Variants in HIPK2 observed in about 807,000 individuals in gnomAD.
HIPK2 encodes homeodomain interacting protein kinase 2.
A neutral mutation model predicts 113.7 loss-of-function variants in HIPK2; 27 were observed. That is an observed-to-expected ratio of 0.24 (90% CI 0.17 to 0.33). HIPK2 has a LOEUF of 0.33. Among genes scored for constraint, HIPK2 ranks in the 10% least tolerant of loss-of-function variants. The pLI is 1.00. For synonymous variants in HIPK2, 631 were observed against 642.2 expected, an observed-to-expected ratio of 0.98 and a Z score of 0.26; for missense variants, 1,257 against 1,588.0, an observed-to-expected ratio of 0.79 and a Z score of 3.54.
intron 2 of HIPK2, among the ~76,000 whole-genome samples, chr7:139,660,296 G>T (rs1997012): frequency 0.41 from 62,698 of 151,340 alleles, 13,604 homozygotes; most frequent in South Asian, 0.55. Context: ...CCAATTTTTT[G>T]TTGTTGTTGT....
rs754874476 is a variant in HIPK2, at chr7:139,572,944, G to A, written c.3580C>T (p.Gln1194Ter). The change falls in exon 15 of 15, where the codon CAG becomes TAG. Residue 1194 changes from glutamine to a stop codon, truncating the protein, a stop_gained. Coordinates refer to ENST00000406875, the MANE Select transcript of HIPK2 (RefSeq NM_022740.5). LOFTEE classifies it high-confidence loss of function. Reference sequence around the variant, plus strand: ...TCCAGTGTTTATATGTAAGGGTACTGGTTGACCTTGGCGGGGCTCAGTGGG... The same window carrying A: ...TCCAGTGTTTATATGTAAGGGTACTAGTTGACCTTGGCGGGGCTCAGTGGG... ...GYPLSPAKVN[Q>*]YPYI The A allele has an allele frequency of 1.5e-6, 2 of 1,369,794 alleles. No homozygotes were observed. Among genetic ancestry groups the A allele is most frequent in the African/African-American group, 1.5e-5 (1 of 65,620 alleles). 84.9% of individuals were successfully genotyped at this position (1,369,794 alleles called of 1,614,324 possible).
rs543724948 is a variant in HIPK2 at position 139,626,647 on chromosome 7, G to T, written c.1573C>A (p.Pro525Thr). The change falls in exon 6 of 15, where the codon CCC becomes ACC. Residue 525 changes from proline (P) to threonine (T), a missense_variant. Coordinates refer to ENST00000406875, the MANE Select transcript of HIPK2 (RefSeq NM_022740.5). Reference protein sequence around the residue: ...RITPIETLNHPFVTMTHLLDF... With the variant: ...RITPIETLNHTFVTMTHLLDF... The stretch of plus-strand genomic sequence containing the variant: ...AGTAAGTGTGTCATGGTGACAAAGG[G>T]ATGGTTCAGGGTTTCGATTGGAGTG... 6.2e-7 allele frequency: 1 copy of T among 1,613,998 alleles called. No individual in the cohort carries two copies. The highest frequency in any genetic ancestry group is 8.5e-7 in the Non-Finnish European group (1 of 1,179,894).
intron 2 of HIPK2, among the ~76,000 whole-genome samples, chr7:139,639,521 T>C (rs887157796): frequency 6.6e-6 from 1 of 152,144 alleles, no homozygotes; most frequent in Non-Finnish European, 1.5e-5. Context: ...GGTAGCAGCA[T>C]AGCGACATCT....
intron 2 of HIPK2, among the ~76,000 whole-genome samples, chr7:139,690,945 G>A (rs551638277): frequency 1.5e-4 from 23 of 152,280 alleles, no homozygotes; most frequent in African/African-American, 5.1e-4. Context: ...CCTACGAACC[G>A]GGTGTTTGAT....
intron 1 of HIPK2, among the ~76,000 whole-genome samples, chr7:139,727,713 G>T (rs1371401268): frequency 6.6e-6 from 1 of 152,162 alleles, no homozygotes; most frequent in Admixed American, 6.5e-5. Flanking sequence ...GCCTTGCCCT[G>T]CAGTGGGTGA....
At chr7:139,653,656 G>C (rs1483951195) in intron 2 of HIPK2, among the ~76,000 whole-genome samples, 4 of 151,972 alleles carry the variant, frequency 2.6e-5, no homozygotes, top group Non-Finnish European at 4.4e-5. Flanking sequence ...CATTAGTGAA[G>C]ATTTTCCACT....
rs1041505114 is a variant in HIPK2, at chr7:139,566,914, G to C, written c.*6013C>G. Reference sequence around the variant, plus strand: ...CTCTCTGGTGCTGGTGTTCTGGGACGGGAGCCCTGCAGGGGGCACTTCTCT... The same window carrying C: ...CTCTCTGGTGCTGGTGTTCTGGGACCGGAGCCCTGCAGGGGGCACTTCTCT... On this transcript the variant is annotated 3_prime_UTR_variant, in exon 15 of 15. Transcript: ENST00000406875. This position sits in a 1 kb window ranked among gnomAD's most constrained non-coding sequence, Gnocchi z 4.1. 1 of 152,222 alleles carries C rather than the reference G, an allele frequency of 6.6e-6. No individual in the cohort carries two copies. Among genetic ancestry groups the C allele is most frequent in the African/African-American group, 2.4e-5 (1 of 41,448 alleles). 9.4% of individuals were successfully genotyped at this position (152,222 alleles called of 1,614,324 possible).
At chr7:139,766,707 T>C (rs529881062) in intron 1 of HIPK2, among the ~76,000 whole-genome samples, 1 of 152,226 alleles carries the variant, frequency 6.6e-6, no homozygotes. Flanking sequence ...CTCTACCAAT[T>C]ACTTGTTATG....
intron 5 of HIPK2, among the ~76,000 whole-genome samples, chr7:139,627,640 G>A (rs1800479775): frequency 6.6e-6 from 1 of 152,186 alleles, no homozygotes; most frequent in Non-Finnish European, 1.5e-5. Flanking sequence ...CTAATCAACT[G>A]ACAAGCACAC....
chr7:139,649,407 GT>G lies in HIPK2; in HGVS notation c.1104-17683del, dbSNP rs1801373758. Among the ~76,000 whole-genome samples, 3 of 152,330 alleles carry G rather than the reference GT, an allele frequency of 2.0e-5. No individual in the cohort carries two copies. In the South Asian group the frequency reaches 6.2e-4, roughly 32 times the overall value. On this transcript the variant is annotated intron_variant, in intron 2 of 14. Transcript: ENST00000406875. ...TTTGTTTATTGAGCAAATAAGACTAGTTACCAGTAGGGATTTTCCTAGGGGA... is the reference window on the plus strand; with the variant it reads ...TTTGTTTATTGAGCAAATAAGACTAGTACCAGTAGGGATTTTCCTAGGGGA...
intron 2 of HIPK2, among the ~76,000 whole-genome samples, chr7:139,701,684 T>C (rs1297131514): frequency 6.6e-6 from 1 of 152,224 alleles, no homozygotes; most frequent in African/African-American, 2.4e-5. Flanking sequence ...AATATATCAT[T>C]TCTTTGGGGA....
chr7:139,777,502 G>GGCAGGCGCCGGGGGCT (rs1796799110), intron 1 of HIPK2, 103 bp downstream of exon 1: 2 of 366,338 alleles, frequency 5.5e-6, no homozygotes, highest in East Asian at 3.1e-4. Context: ...TGGGGGCTGG[G>GGCAGGCGCCGGGGGCT]GCAGGCGCCG....
Position 139,683,456 on chromosome 7 carries a change from T to A in HIPK2, c.1103+32476A>T, listed in dbSNP as rs996609937. Among the ~76,000 whole-genome samples the A allele has an allele frequency of 6.6e-6, 1 of 152,100 alleles. No homozygotes were observed. The highest frequency in any genetic ancestry group is 2.4e-5 in the African/African-American group (1 of 41,410). On this transcript the variant is annotated intron_variant, in intron 2 of 14. Transcript: ENST00000406875. This position sits in a 1 kb window ranked among gnomAD's most constrained non-coding sequence, Gnocchi z 4.2. ...GCCTCAGCTCCTCCCTACGGGGGCC[T>A]CCACAGGACTGCTCACAACACGGGA...
intron 1 of HIPK2, among the ~76,000 whole-genome samples, chr7:139,745,026 C>G (rs1796166965): frequency 6.6e-6 from 1 of 152,208 alleles, no homozygotes; most frequent in Admixed American, 6.5e-5. Flanking sequence ...AGCAGCAAGG[C>G]TGGTGGGCAC....
intron 1 of HIPK2, among the ~76,000 whole-genome samples, chr7:139,754,629 T>C (rs1796335782): frequency 6.6e-6 from 1 of 152,234 alleles, no homozygotes; most frequent in African/African-American, 2.4e-5. Flanking sequence ...TTTCTAAAAA[T>C]TAAATTCTGA....
At chr7:139,673,689 TGAA>T (rs1802385896) in intron 2 of HIPK2, among the ~76,000 whole-genome samples, 1 of 151,998 alleles carries the variant, frequency 6.6e-6, no homozygotes, top group Non-Finnish European at 1.5e-5. Context: ...GTAGGTAACC[TGAA>T]GAAGTCTGAC....
chr7:139,750,970 T>G (rs140185373), intron 1 of HIPK2, among the ~76,000 whole-genome samples: 166 of 152,366 alleles, frequency 1.1e-3, no homozygotes, highest in African/African-American at 3.8e-3. Flanking sequence ...ACTTATTGTC[T>G]GCATATCTGT....
chr7:139,727,643 C>T (rs117274312), intron 1 of HIPK2, among the ~76,000 whole-genome samples: 2,454 of 152,336 alleles, frequency 0.016, 27 homozygotes, highest in Non-Finnish European at 0.026. Flanking sequence ...CCAAATAACT[C>T]CTTTTGGTAA....
At chr7:139,734,065 G>A (rs570119688) in intron 1 of HIPK2, among the ~76,000 whole-genome samples, 1 of 152,220 alleles carries the variant, frequency 6.6e-6, no homozygotes, top group Non-Finnish European at 1.5e-5. Context: ...CATCCCTAAT[G>A]AGTCACAATT....
Sources: gnomAD v4.1 joint callset for allele counts (sites outside exome capture counted in the v4.1 genomes callset) on GRCh38, gnomAD v4.1.1 for gene constraint, Gnocchi (gnomAD v3.1) non-coding constraint, MANE v1.5 for transcripts, NCBI Gene and HGNC (gene_info 2026-07-23, HGNC 2026-07-21) for gene names.